The following ROBO2 variants were observed in gnomAD, a reference collection of about 807,000 sequenced individuals.
ROBO2 encodes roundabout guidance receptor 2, also known as roundabout homolog 2.
In ROBO2, 53 loss-of-function variants were observed where a neutral mutation model predicts 160.8. The observed-to-expected ratio is 0.33, with a 90% confidence interval of 0.26 to 0.41. The LOEUF (loss-of-function observed/expected upper bound fraction) is 0.41. Among genes scored for constraint, ROBO2 ranks in the 10% least tolerant of loss-of-function variants. ROBO2 has a pLI of 1.00. For missense variants in ROBO2, 1,577 were observed against 1,722.4 expected, an observed-to-expected ratio of 0.92 and a Z score of 1.49; for synonymous variants, 664 against 611.7, an observed-to-expected ratio of 1.09 and a Z score of -1.26.
At chr3:76,799,739 A>T (rs2064057247) in intron 2 of ROBO2, among the ~76,000 whole-genome samples, 2 of 152,180 alleles carry the variant, frequency 1.3e-5, no homozygotes, top group Admixed American at 1.3e-4. Flanking sequence ...AAATGAAAGG[A>T]TATTTCATAT....
chr3:77,475,439 T>C (rs1344919444), intron 2 of ROBO2, among the ~76,000 whole-genome samples: 1 of 152,126 alleles, frequency 6.6e-6, no homozygotes, highest in East Asian at 1.9e-4. Context: ...AAAAAATGGA[T>C]TGTGGAAAAT....
intron 2 of ROBO2, among the ~76,000 whole-genome samples, chr3:76,380,676 A>C (rs189228893): frequency 6.6e-6 from 1 of 152,298 alleles, no homozygotes; most frequent in East Asian, 1.9e-4. Context: ...GCTCCTAGTC[A>C]ACAGAGGGCT....
At chr3:75,969,612 A>C (rs1414926992) in intron 2 of ROBO2, among the ~76,000 whole-genome samples, 1 of 151,582 alleles carries the variant, frequency 6.6e-6, no homozygotes, top group Non-Finnish European at 1.5e-5. Flanking sequence ...AACAGTTGTG[A>C]AGTGATATAG....
At position 77,010,223 on chromosome 3, in the gene ROBO2, A is replaced by G. The variant is rs983000998; in HGVS notation, c.110-87791A>G. Reference sequence around the variant, plus strand: ...TGGTGTCAATAAAATTGAAGTATATATGTAGAAATGACTGTCAACCAAGAA... The same window carrying G: ...TGGTGTCAATAAAATTGAAGTATATGTGTAGAAATGACTGTCAACCAAGAA... On this transcript the variant is annotated intron_variant, in intron 2 of 26. Transcript: ENST00000487694. Among the ~76,000 whole-genome samples, 3 of 152,112 alleles carry G rather than the reference A, an allele frequency of 2.0e-5. No homozygotes were observed. In the East Asian group the frequency reaches 5.8e-4, roughly 29 times the overall value.
At position 77,097,995 on chromosome 3, in the gene ROBO2, A is replaced by G; in HGVS notation, c.62-19A>G. The G allele has an allele frequency of 6.6e-7, 1 of 1,517,784 alleles. No individual in the cohort carries two copies. The highest frequency in any genetic ancestry group is 1.3e-5 in the South Asian group (1 of 74,986). 94.0% of individuals were successfully genotyped at this position (1,517,784 alleles called of 1,614,324 possible). ...TAAGGAAATGTTAAAGCTTGTCTTT[A>G]TTCCGTCATGTTTTGTAGGATCGCG... On this transcript the variant is annotated intron_variant, in intron 1 of 25. Coordinates refer to ENST00000461745, the Ensembl canonical transcript of ROBO2.
intron 2 of ROBO2, among the ~76,000 whole-genome samples, chr3:76,158,138 G>C (rs1308187679): frequency 6.6e-6 from 1 of 152,012 alleles, no homozygotes; most frequent in Non-Finnish European, 1.5e-5. Flanking sequence ...CTCCATCTAG[G>C]ACTACAGCAG....
intron 2 of ROBO2, among the ~76,000 whole-genome samples, chr3:76,234,831 C>A (rs1704841757): frequency 6.6e-6 from 1 of 152,084 alleles, no homozygotes; most frequent in South Asian, 2.1e-4. Flanking sequence ...GAGTGTTTAT[C>A]CTATGCCTGT....
At chr3:77,447,719 G>A (rs1256299949) in intron 2 of ROBO2, among the ~76,000 whole-genome samples, 1 of 152,092 alleles carries the variant, frequency 6.6e-6, no homozygotes, top group South Asian at 2.1e-4. Flanking sequence ...AATCTCATCT[G>A]CTGGTTCCCA....
chr3:77,168,147 G>A (rs989318414), intron 2 of ROBO2, among the ~76,000 whole-genome samples: 3 of 152,204 alleles, frequency 2.0e-5, no homozygotes, highest in Non-Finnish European at 4.4e-5. Context: ...GAACTCCTCA[G>A]TGACTTGGCA....
At chr3:76,077,715 A>C (rs888734705) in intron 2 of ROBO2, among the ~76,000 whole-genome samples, 3 of 152,188 alleles carry the variant, frequency 2.0e-5, no homozygotes, top group Non-Finnish European at 4.4e-5. Context: ...GGTATGAAAA[A>C]TTAAAATTTT....
At chr3:77,376,476 A>C (rs543299384) in intron 2 of ROBO2, among the ~76,000 whole-genome samples, 1 of 152,062 alleles carries the variant, frequency 6.6e-6, no homozygotes, top group South Asian at 2.1e-4. Flanking sequence ...ATTTTTTAAA[A>C]ATTTATGTCA....
At chr3:76,073,534 A>C (rs923156750) in intron 2 of ROBO2, among the ~76,000 whole-genome samples, 2 of 151,318 alleles carry the variant, frequency 1.3e-5, no homozygotes, top group African/African-American at 4.9e-5. Context: ...CTCGTGATCC[A>C]CCCGCCTCAG....
At chr3:77,642,695 C>T (rs1343761269) in intron 24 of ROBO2, 7 of 456,532 alleles carry the variant, frequency 1.5e-5, no homozygotes, top group South Asian at 4.6e-5. Flanking sequence ...CCAGATCCCC[C>T]GCCAGGTCAG....
chr3:77,435,989 T>C (rs1251519381), intron 2 of ROBO2, among the ~76,000 whole-genome samples: 2 of 150,672 alleles, frequency 1.3e-5, no homozygotes, highest in Non-Finnish European at 3.0e-5. Context: ...TTTGTCTTGA[T>C]TAAGAATGAC....
At chr3:77,531,265 T>C (rs1409499193) in intron 6 of ROBO2, among the ~76,000 whole-genome samples, 1 of 152,088 alleles carries the variant, frequency 6.6e-6, no homozygotes, top group Non-Finnish European at 1.5e-5. Flanking sequence ...TATGCTTCCT[T>C]TTGATGGAAG....
intron 2 of ROBO2, among the ~76,000 whole-genome samples, chr3:76,197,914 T>C (rs1040878370): frequency 1.3e-5 from 2 of 152,160 alleles, no homozygotes; most frequent in Non-Finnish European, 2.9e-5. Flanking sequence ...GTATCCTGGT[T>C]TTACCTATGA....
At chr3:77,024,170 C>G (rs985200613) in intron 2 of ROBO2, among the ~76,000 whole-genome samples, 1 of 152,092 alleles carries the variant, frequency 6.6e-6, no homozygotes, top group Non-Finnish European at 1.5e-5. Context: ...GTGGCATTAT[C>G]GATTGCCTGA....
chr3:76,631,410 C>G (rs1416723357), intron 2 of ROBO2, among the ~76,000 whole-genome samples: 1 of 151,590 alleles, frequency 6.6e-6, no homozygotes, highest in Non-Finnish European at 1.5e-5. Flanking sequence ...TTCCCATTCT[C>G]TAGTGTACGG....
chr3:76,309,744 C>T (rs972251315), intron 2 of ROBO2, among the ~76,000 whole-genome samples: 1 of 151,922 alleles, frequency 6.6e-6, no homozygotes. Flanking sequence ...AACATGTAGA[C>T]AGATTTAAAA....
Sources: allele counts gnomAD v4.1 joint callset (sites outside exome capture counted in the v4.1 genomes callset), GRCh38; gene constraint gnomAD v4.1.1; transcripts MANE v1.5; gene names NCBI Gene and HGNC (gene_info 2026-07-23, HGNC 2026-07-21).